Variants in MAP3K15 observed in about 807,000 individuals in gnomAD.
MAP3K15 encodes MAPK/ERK kinase kinase 15.
Under a neutral mutation model 99.5 loss-of-function variants are expected in MAP3K15, and 124 were observed. The ratio of observed to expected loss-of-function variants is 1.25; its 90% CI spans 1.08 to 1.45. MAP3K15 has a LOEUF of 1.45. MAP3K15 is among the 40% of genes most tolerant of loss of function. The pLI is 0.00. For missense variants in MAP3K15, 1,242 were observed against 1,079.7 expected (o/e 1.15, Z -2.11); for synonymous variants, 494 against 439.6 (o/e 1.12, Z -1.55).
intron 1 of MAP3K15, among the ~76,000 whole-genome samples, chrX:19,507,432 C>T (rs750558368): frequency 1.9e-3 from 200 of 107,785 alleles, no homozygotes; most frequent in African/African-American, 6.4e-3. Flanking sequence ...CAAAATTAGC[C>T]GGGCACTGTG....
chrX:19,361,505 C>T lies in MAP3K15; in HGVS notation c.3768G>A (p.Lys1256=). The change falls in exon 27 of 29, where the codon AAG becomes AAA. Residue 1256 remains lysine (K), a synonymous_variant. Transcript: ENST00000338883. ...GTTGTAAATTTACCTTTTCAATTGT[C>T]TTTGCATCAGCTCCTTGCAGCCGCA... ...DWLRLQGADA[K]TIEKIVEEGY... is the part of the protein sequence containing the mutation. 8.3e-7 allele frequency: 1 copy of T among 1,210,154 alleles called. No individual in the cohort carries two copies.
chrX:19,502,304 C>T (rs2064445970), intron 1 of MAP3K15, among the ~76,000 whole-genome samples: 1 of 110,687 alleles, frequency 9.0e-6, no homozygotes, highest in African/African-American at 3.3e-5. Flanking sequence ...GAGGGAGGGA[C>T]TTGGTGGGAG....
intron 6 of MAP3K15, among the ~76,000 whole-genome samples, chrX:19,435,921 A>C (rs2063917849): frequency 8.9e-6 from 1 of 112,244 alleles, no homozygotes; most frequent in Admixed American, 9.4e-5. Flanking sequence ...TGGGAGGCCA[A>C]GGCGGGCAGA....
At chrX:19,363,356 G>C (rs887650648) in intron 25 of MAP3K15, among the ~76,000 whole-genome samples, 1 of 112,057 alleles carries the variant, frequency 8.9e-6, no homozygotes, top group South Asian at 3.7e-4. Context: ...CCTCGATCTT[G>C]GACTTCGAGT....
chrX:19,398,242 G>C lies in MAP3K15; in HGVS notation c.2050C>G (p.Pro684Ala). 8.3e-7 allele frequency: 1 copy of C among 1,210,853 alleles called. No individual in the cohort carries two copies. Among genetic ancestry groups the C allele is most frequent in the Non-Finnish European group, 1.1e-6 (1 of 895,290 alleles). Reference sequence around the variant, plus strand: ...TGGACTTGCCTGCTATCTCTCTCCGGGATTTCTTTGATGGCTATTCGCACT... The same window carrying C: ...TGGACTTGCCTGCTATCTCTCTCCGCGATTTCTTTGATGGCTATTCGCACT... ...NQVRIAIKEI[P>A]ERDSRYSQPL... The change falls in exon 15 of 29, where the codon CCG (proline) becomes GCG (alanine). Residue 684 changes from proline (P) to alanine (A), a missense_variant. Pro to Ala is a conservative substitution (Grantham distance 27). Transcript: ENST00000338883.
chrX:19,469,910 G>A (rs2064195789), intron 3 of MAP3K15, among the ~76,000 whole-genome samples: 1 of 108,892 alleles, frequency 9.2e-6, no homozygotes, highest in Non-Finnish European at 1.9e-5. Flanking sequence ...AACAGGTGCT[G>A]GAGAGGATGT....
chrX:19,498,654 G>T (rs2064422368), intron 1 of MAP3K15, among the ~76,000 whole-genome samples: 2 of 112,032 alleles, frequency 1.8e-5, no homozygotes, highest in African/African-American at 6.5e-5. Flanking sequence ...CCTGGATAAT[G>T]AGACGAAAAG....
intron 20 of MAP3K15, 45 bp from the exon 21 acceptor site, chrX:19,373,740 G>C: frequency 1.7e-6 from 2 of 1,161,451 alleles, no homozygotes; most frequent in Non-Finnish European, 2.3e-6. Context: ...CTCAGAGAGG[G>C]ACGGGGTGGA....
intron 18 of MAP3K15, among the ~76,000 whole-genome samples, chrX:19,391,494 A>G (rs1392532670): frequency 9.2e-6 from 1 of 108,310 alleles, no homozygotes; most frequent in Non-Finnish European, 1.9e-5. Context: ...CCTGGTCAAC[A>G]TGGTGAAACC....
chrX:19,419,183 T>C (rs901501600), intron 9 of MAP3K15, among the ~76,000 whole-genome samples: 7 of 111,882 alleles, frequency 6.3e-5, no homozygotes, highest in Admixed American at 1.9e-4. Flanking sequence ...AATTCACACA[T>C]AACAATTTTA....
chrX:19,373,716 A>G, intron 20 of MAP3K15, 21 bp from the exon 21 acceptor site: 1 of 1,192,140 alleles, frequency 8.4e-7, no homozygotes, highest in Non-Finnish European at 1.1e-6. Flanking sequence ...ACAGCCAGAC[A>G]CCGAATGGGG....
intron 1 of MAP3K15, among the ~76,000 whole-genome samples, chrX:19,501,316 T>C (rs1015397207): frequency 3.6e-5 from 4 of 111,789 alleles, no homozygotes; most frequent in African/African-American, 1.3e-4. Flanking sequence ...ACATACAGTA[T>C]AGAAAATATG....
chrX:19,446,448 G>T (rs1569227816), intron 6 of MAP3K15, among the ~76,000 whole-genome samples: 1 of 111,683 alleles, frequency 9.0e-6, no homozygotes. Flanking sequence ...TGACTATAAG[G>T]TCTAGGTCTA....
At chrX:19,397,937 G>A (rs2063578400) in intron 15 of MAP3K15, among the ~76,000 whole-genome samples, 1 of 109,570 alleles carries the variant, frequency 9.1e-6, no homozygotes, top group Non-Finnish European at 1.9e-5. Flanking sequence ...AAAATCAGCT[G>A]GGCATGGTGT....
intron 6 of MAP3K15, among the ~76,000 whole-genome samples, chrX:19,445,168 C>G (rs746981394): frequency 1.6e-4 from 18 of 111,316 alleles, no homozygotes; most frequent in Non-Finnish European, 3.4e-4. Flanking sequence ...TTCCCTGTCT[C>G]CCTTCTGAAA....
chrX:19,515,033 C>CG lies in MAP3K15; in HGVS notation c.228dup (p.Gly77ArgfsTer71). Reference sequence around the variant, plus strand: ...TGCCGCGCCCCAGCCTCCGGGCCGCCGGCCGCGCCGCCCTGGGAGCTCTCA... The same window carrying CG: ...TGCCGCGCCCCAGCCTCCGGGCCGCCGGGCCGCGCCGCCCTGGGAGCTCTCA... On this transcript the variant is annotated frameshift_variant, in exon 1 of 29. Coordinates refer to ENST00000338883, the MANE Select transcript of MAP3K15 (RefSeq NM_001001671.4). LOFTEE classifies it high-confidence loss of function. 2 of 1,047,181 alleles carry CG rather than the reference C, an allele frequency of 1.9e-6. No homozygotes were observed. Among genetic ancestry groups the CG allele is most frequent in the Non-Finnish European group, 2.5e-6 (2 of 806,420 alleles). 86.3% of individuals were successfully genotyped at this position (1,047,181 alleles called of 1,213,427 possible).
intron 15 of MAP3K15, 36 bp downstream of exon 15, chrX:19,398,190 C>G (rs73637637): frequency 8.3e-7 from 1 of 1,204,497 alleles, no homozygotes; most frequent in African/African-American, 1.8e-5. Context: ...GGTGTGGAGA[C>G]GGCACCCGAA....
intron 3 of MAP3K15, among the ~76,000 whole-genome samples, chrX:19,481,268 A>G (rs1435353775): frequency 1.8e-5 from 2 of 109,500 alleles, no homozygotes; most frequent in Non-Finnish European, 3.8e-5. Context: ...TTCAAAGATG[A>G]CAAGACAGTT....
intron 25 of MAP3K15, among the ~76,000 whole-genome samples, chrX:19,365,599 T>C (rs1376289990): frequency 8.9e-6 from 1 of 112,892 alleles, no homozygotes; most frequent in Non-Finnish European, 1.9e-5. Context: ...CACACTTTTA[T>C]TGTTTGCTTA....
Sources: allele counts gnomAD v4.1 joint callset (sites outside exome capture counted in the v4.1 genomes callset), GRCh38; gene constraint gnomAD v4.1.1; transcripts MANE v1.5; gene names NCBI Gene and HGNC (gene_info 2026-07-23, HGNC 2026-07-21).